SYBU: variants seen among roughly 807,000 people sequenced by gnomAD.
SYBU encodes the protein GOLSYN A protein.
SYBU carries 21 observed loss-of-function variants against 35.9 expected under a neutral mutation model. The ratio of observed to expected loss-of-function variants is 0.58; its 90% CI spans 0.41 to 0.84. The LOEUF is 0.84. Ranked by LOEUF, SYBU falls within the 40% of genes least tolerant of loss-of-function variation. SYBU has a pLI of 0.00. For missense variants in SYBU, 768 were observed against 848.2 expected (o/e 0.91, Z 1.17); for synonymous variants, 319 against 324.3 (o/e 0.98, Z 0.18).
intron 2 of SYBU, among the ~76,000 whole-genome samples, chr8:109,635,784 C>G (rs1207005599): frequency 1.3e-5 from 2 of 152,122 alleles, no homozygotes; most frequent in African/African-American, 2.4e-5. Flanking sequence ...ACTCCTGCCC[C>G]CTCCCTGTCC....
intron 5 of SYBU, among the ~76,000 whole-genome samples, chr8:109,578,739 T>C (rs1822657066): frequency 6.6e-6 from 1 of 152,152 alleles, no homozygotes; most frequent in Non-Finnish European, 1.5e-5. Context: ...GGTCAGGGGA[T>C]GGGCCCGGGC....
chr8:109,663,886 A>G (rs188034986), intron 1 of SYBU, among the ~76,000 whole-genome samples: 30 of 152,330 alleles, frequency 2.0e-4, no homozygotes, highest in African/African-American at 7.2e-4. Context: ...GTTAAAACTT[A>G]AAAGTATTGT....
At chr8:109,635,725 T>C (rs1814153644) in intron 2 of SYBU, among the ~76,000 whole-genome samples, 1 of 152,144 alleles carries the variant, frequency 6.6e-6, no homozygotes, top group African/African-American at 2.4e-5. Context: ...ATTTATCAGT[T>C]CTTCACTTAG....
intron 2 of SYBU, among the ~76,000 whole-genome samples, chr8:109,633,237 T>G (rs1274420877): frequency 6.6e-6 from 1 of 152,148 alleles, no homozygotes; most frequent in Admixed American, 6.5e-5. Flanking sequence ...CCAGAGGGTC[T>G]TAAGAATTCT....
At position 109,574,889 on chromosome 8, in the gene SYBU, G is replaced by GTAA. The variant is rs758365017; in HGVS notation, c.*14_*16dup. ...CCCACATGGGACACATTGGCACACGGTAACAACAACTTCTATTTAGGTTTT... is the reference window on the plus strand; with the variant it reads ...CCCACATGGGACACATTGGCACACGGTAATAACAACAACTTCTATTTAGGTTTT... On this transcript the variant is annotated 3_prime_UTR_variant, in exon 7 of 7. Coordinates refer to ENST00000276646, the MANE Select transcript of SYBU (RefSeq NM_001099754.2). 1.3e-6 allele frequency: 2 copies of GTAA among 1,511,156 alleles called. No homozygotes were observed. The highest frequency in any genetic ancestry group is 1.8e-6 in the Non-Finnish European group (2 of 1,129,770). 93.6% of individuals were successfully genotyped at this position (1,511,156 alleles called of 1,614,324 possible).
Position 109,618,985 on chromosome 8 carries a change from T to G in SYBU, c.284A>C (p.Asp95Ala). 8.1e-6 allele frequency: 13 copies of G among 1,614,168 alleles called. No homozygotes were observed. Among genetic ancestry groups the G allele is most frequent in the Non-Finnish European group, 1.1e-5 (13 of 1,180,012 alleles). Reference sequence around the variant, plus strand: ...AAAGCCAATGGGGCTGTTTCCAGCATCTGAGGGTGTCTTCACAGGAGACAC... The same window carrying G: ...AAAGCCAATGGGGCTGTTTCCAGCAGCTGAGGGTGTCTTCACAGGAGACAC... ...QSVSPVKTPS[D>A]AGNSPIGFCP... is the part of the protein sequence containing the mutation. Residue 95 changes from aspartate to alanine, a missense_variant, in exon 3 of 7, where the codon GAT becomes GCT. Asp to Ala is a moderately radical substitution (Grantham distance 126, BLOSUM62 -2). Coordinates refer to ENST00000276646, the MANE Select transcript of SYBU (RefSeq NM_001099754.2).
chr8:109,653,877 C>T (rs866739784), intron 1 of SYBU, among the ~76,000 whole-genome samples: 4 of 152,072 alleles, frequency 2.6e-5, no homozygotes, highest in African/African-American at 9.7e-5. Context: ...TCTTCCTATA[C>T]AAGAAAAATT....
chr8:109,671,953 G>A (rs2130765946), intron 1 of SYBU, among the ~76,000 whole-genome samples: 1 of 152,260 alleles, frequency 6.6e-6, no homozygotes, highest in Admixed American at 6.5e-5. Flanking sequence ...CCAGGCTGGA[G>A]TGCAATGGCA....
chr8:109,575,084 C>G lies in SYBU; in HGVS notation c.1814G>C (p.Ser605Thr). 4 of 1,609,520 alleles carry G rather than the reference C, an allele frequency of 2.5e-6. No individual in the cohort carries two copies. Among genetic ancestry groups the G allele is most frequent in the South Asian group, 1.1e-5 (1 of 90,516 alleles). Residue 605 changes from serine (S) to threonine (T), a missense_variant, in exon 7 of 7, where the codon AGC (serine) becomes ACC (threonine). Ser to Thr is a moderately conservative substitution (Grantham distance 58). Coordinates refer to ENST00000276646, the MANE Select transcript of SYBU (RefSeq NM_001099754.2). ...RGGVVRQYWS[S>T]SFLVDLLAVA... ...AGCCAGGAGATCCACCAGGAAGCTG[C>G]TGCTCCAGTACTGCCTCACGACGCC...
At chr8:109,627,736 CAAAG>C (rs950489158) in intron 2 of SYBU, among the ~76,000 whole-genome samples, 4 of 152,180 alleles carry the variant, frequency 2.6e-5, no homozygotes, top group African/African-American at 4.8e-5. Context: ...TAAAAACAGA[CAAAG>C]GAAGCTGTTA....
chr8:109,634,141 T>C (rs935997868), intron 2 of SYBU, among the ~76,000 whole-genome samples: 4 of 152,150 alleles, frequency 2.6e-5, no homozygotes, highest in Admixed American at 2.6e-4. Flanking sequence ...CCCTAAATAT[T>C]CCCTGAGCTT....
intron 3 of SYBU, among the ~76,000 whole-genome samples, chr8:109,592,885 A>C (rs1317494683): frequency 1.3e-5 from 2 of 152,202 alleles, no homozygotes; most frequent in Non-Finnish European, 2.9e-5. Context: ...CCATGTGTCA[A>C]ATCCTGTTTT....
At chr8:109,630,063 C>T (rs1249781949) in intron 2 of SYBU, among the ~76,000 whole-genome samples, 3 of 151,762 alleles carry the variant, frequency 2.0e-5, no homozygotes, top group Non-Finnish European at 4.4e-5. Flanking sequence ...GAAAATGTGG[C>T]ACATATACAC....
At chr8:109,658,789 A>T (rs1816452449) in intron 1 of SYBU, among the ~76,000 whole-genome samples, 1 of 152,140 alleles carries the variant, frequency 6.6e-6, no homozygotes, top group Non-Finnish European at 1.5e-5. Context: ...CCCCATCTCT[A>T]TGAAAAATAC....
At chr8:109,636,417 A>T (rs975951889) in intron 2 of SYBU, among the ~76,000 whole-genome samples, 4 of 152,204 alleles carry the variant, frequency 2.6e-5, no homozygotes, top group African/African-American at 9.7e-5. Flanking sequence ...TACCCCATTT[A>T]TTTCAGTGTC....
At position 109,578,003 on chromosome 8, in the gene SYBU, T is replaced by C. The variant is rs1402988058; in HGVS notation, c.749A>G (p.Tyr250Cys). ...CSPIMRRSGR[Y>C]MSCGENHGVR... ...ACCATGATTTTCACCGCAAGACATG[T>C]ACCTTCCAGAACGCCTGAAACAATC... is the stretch of plus-strand genomic sequence containing the variant. The change falls in exon 6 of 7, where the codon TAC becomes TGC. Residue 250 changes from tyrosine to cysteine, a missense_variant. Physicochemically the swap from Tyr to Cys is radical, Grantham distance 194. Coordinates refer to ENST00000276646, the MANE Select transcript of SYBU (RefSeq NM_001099754.2). 1 of 1,610,848 alleles carries C rather than the reference T, an allele frequency of 6.2e-7. No homozygotes were observed.
Position 109,624,904 on chromosome 8 carries a change from A to C in SYBU, c.230-5865T>G, listed in dbSNP as rs564469341. 7.2e-5 allele frequency among the ~76,000 whole-genome samples: 11 copies of C among 152,280 alleles called. No individual in the cohort carries two copies. The Middle Eastern group carries it at 0.01, about 141-fold the overall frequency. On this transcript the variant is annotated intron_variant, in intron 2 of 6. Coordinates refer to ENST00000276646, the MANE Select transcript of SYBU (RefSeq NM_001099754.2). Reference sequence around the variant, plus strand: ...GGCTTTCAAGGCTACAATGGCAGAGAGTTGAGTAATTGCATCAGTGGCCAT... The same window carrying C: ...GGCTTTCAAGGCTACAATGGCAGAGCGTTGAGTAATTGCATCAGTGGCCAT...
At chr8:109,612,824 A>T (rs1031943233) in intron 3 of SYBU, among the ~76,000 whole-genome samples, 29 of 152,142 alleles carry the variant, frequency 1.9e-4, no homozygotes, top group Non-Finnish European at 4.0e-4. Flanking sequence ...TACTAAAAAC[A>T]CAAAAATTAG....
intron 3 of SYBU, among the ~76,000 whole-genome samples, chr8:109,609,585 C>A (rs1810946628): frequency 6.6e-6 from 1 of 152,134 alleles, no homozygotes; most frequent in East Asian, 1.9e-4. Context: ...CAGTGACAAC[C>A]TGCTTGCTAG....
Sources: gnomAD v4.1 joint callset for allele counts (sites outside exome capture counted in the v4.1 genomes callset) on GRCh38, gnomAD v4.1.1 for gene constraint, MANE v1.5 for transcripts, NCBI Gene and HGNC (gene_info 2026-07-23, HGNC 2026-07-21) for gene names.